Variants in ASPH observed in about 807,000 individuals in gnomAD.
The protein encoded by ASPH is aspartyl/asparaginyl beta-hydroxylase.
A neutral mutation model predicts 118.4 loss-of-function variants in ASPH; 100 were observed. The observed-to-expected ratio is 0.84, with a 90% CI of 0.72 to 1.00. ASPH has a LOEUF of 1.00. Among genes scored for constraint, ASPH ranks in the 50% least tolerant of loss-of-function variants. ASPH has a pLI of 0.00. For synonymous variants in ASPH, 315 were observed against 325.6 expected, an observed-to-expected ratio of 0.97 and a Z score of 0.35; for missense variants, 920 against 919.5, an observed-to-expected ratio of 1.00 and a Z score of -0.01.
chr8:61,635,335 C>T (rs1395193492), intron 12 of ASPH, among the ~76,000 whole-genome samples: 4 of 152,120 alleles, frequency 2.6e-5, no homozygotes, highest in African/African-American at 9.7e-5. Context: ...TTTATCGTCT[C>T]TCCACTTGCT....
At chr8:61,579,557 C>T (rs55652503) in intron 15 of ASPH, 13 of 1,525,240 alleles carry the variant, frequency 8.5e-6, no homozygotes, top group East Asian at 2.2e-5. Flanking sequence ...TTGGCTCTGG[C>T]GCAGGCTCCA....
chr8:61,581,712 A>T (rs1392137241), intron 15 of ASPH, among the ~76,000 whole-genome samples: 1 of 152,206 alleles, frequency 6.6e-6, no homozygotes, highest in East Asian at 1.9e-4. Context: ...CAGTGGTGTG[A>T]ACTTTCAGGT....
chr8:61,579,817 T>G (rs781612999), intron 15 of ASPH: 104 of 694,452 alleles, frequency 1.5e-4, no homozygotes, highest in Non-Finnish European at 2.4e-4. Flanking sequence ...GTTTACTACC[T>G]GGGGACCCCC....
At chr8:61,552,902 A>C in intron 20 of ASPH, 129 bp downstream of exon 20, 1 of 718,484 alleles carries the variant, frequency 1.4e-6, no homozygotes, top group Non-Finnish European at 2.3e-6. Flanking sequence ...TAAGTAACTA[A>C]ATAGTTTATA....
intron 14 of ASPH, among the ~76,000 whole-genome samples, chr8:61,593,758 T>C (rs1841828620): frequency 6.6e-6 from 1 of 152,228 alleles, no homozygotes; most frequent in African/African-American, 2.4e-5. Context: ...TGCTAAGTGA[T>C]GTGTTTTCTA....
chr8:61,533,615 T>C (rs559035785), intron 21 of ASPH, among the ~76,000 whole-genome samples: 1 of 152,260 alleles, frequency 6.6e-6, no homozygotes, highest in African/African-American at 2.4e-5. Context: ...TCAAGCCAGT[T>C]TGTTTGTTTT....
chr8:61,591,646 C>T (rs1030353072), intron 14 of ASPH, among the ~76,000 whole-genome samples: 1 of 152,144 alleles, frequency 6.6e-6, no homozygotes, highest in Non-Finnish European at 1.5e-5. Context: ...AATGCCTTAG[C>T]CAATTCTGTG....
chr8:61,539,699 G>GGTGGGTGTGTGTGTGTGT (rs1554618409), intron 21 of ASPH, among the ~76,000 whole-genome samples: 3 of 124,214 alleles, frequency 2.4e-5, no homozygotes, highest in Admixed American at 8.5e-5. Flanking sequence ...ACACTTCTGG[G>GGTGGGTGTGTGTGTGTGT]GTGTGTGTGT....
intron 18 of ASPH, among the ~76,000 whole-genome samples, chr8:61,560,182 G>C (rs1763283242): frequency 6.6e-6 from 1 of 152,150 alleles, no homozygotes; most frequent in Non-Finnish European, 1.5e-5. Context: ...TGAGTGAATG[G>C]GTATACGTGA....
At chr8:61,644,749 T>C (rs1034999804) in intron 6 of ASPH, 117 bp from the exon 7 acceptor site, 4 of 706,374 alleles carry the variant, frequency 5.7e-6, no homozygotes, top group South Asian at 6.9e-5. Context: ...AATTAAAAAA[T>C]GGGACTATCA....
intron 3 of ASPH, among the ~76,000 whole-genome samples, chr8:61,667,539 G>T (rs1158708095): frequency 6.6e-6 from 1 of 152,010 alleles, no homozygotes; most frequent in East Asian, 1.9e-4. Flanking sequence ...GCCAATTTTT[G>T]TATTTTCAGT....
intron 13 of ASPH, among the ~76,000 whole-genome samples, chr8:61,631,091 G>T (rs560295020): frequency 6.6e-6 from 1 of 152,158 alleles, no homozygotes; most frequent in East Asian, 1.9e-4. Context: ...ATTTTTGTAT[G>T]GCTATATGAT....
intron 21 of ASPH, among the ~76,000 whole-genome samples, chr8:61,538,381 T>C (rs1820444712): frequency 6.6e-6 from 1 of 152,224 alleles, no homozygotes; most frequent in Admixed American, 6.5e-5. Context: ...TATGTTAATC[T>C]TAAGAAATTG....
chr8:61,675,016 T>A (rs545271952), intron 3 of ASPH, among the ~76,000 whole-genome samples: 1 of 152,254 alleles, frequency 6.6e-6, no homozygotes, highest in South Asian at 2.1e-4. Flanking sequence ...ACTGATGAAA[T>A]CTCATTTTAA....
chr8:61,702,451 A>AT, intron 1 of ASPH, among the ~76,000 whole-genome samples: 1 of 151,588 alleles, frequency 6.6e-6, no homozygotes, highest in East Asian at 1.9e-4. Context: ...CACCCGGCTA[A>AT]TTTTTTTTGT....
intron 16 of ASPH, among the ~76,000 whole-genome samples, chr8:61,568,008 G>C (rs971181878): frequency 4.6e-5 from 7 of 152,164 alleles, no homozygotes; most frequent in African/African-American, 9.7e-5. Flanking sequence ...AAGGCTTGGA[G>C]GTAGGAGTGA....
At chr8:61,704,194 C>CAAAAAAAAAA (rs61553495) in intron 1 of ASPH, among the ~76,000 whole-genome samples, 2 of 40,426 alleles carry the variant, frequency 4.9e-5, no homozygotes, top group Non-Finnish European at 8.2e-5. Context: ...GACTCCGTCT[C>CAAAAAAAAAA]AAAAAAAAAA....
chr8:61,699,846 T>A (rs1834819864), intron 1 of ASPH, among the ~76,000 whole-genome samples: 1 of 152,180 alleles, frequency 6.6e-6, no homozygotes, highest in East Asian at 1.9e-4. Context: ...CATTCCCCAG[T>A]GGATGTCCAC....
chr8:61,602,482 A>G (rs1028734160), intron 14 of ASPH, among the ~76,000 whole-genome samples: 1 of 151,540 alleles, frequency 6.6e-6, no homozygotes, highest in Non-Finnish European at 1.5e-5. Context: ...AAAAATCTAA[A>G]GCTAACAATA....
Sources: allele counts gnomAD v4.1 joint callset (sites outside exome capture counted in the v4.1 genomes callset), GRCh38; gene constraint gnomAD v4.1.1; transcripts MANE v1.5; gene names NCBI Gene and HGNC (gene_info 2026-07-23, HGNC 2026-07-21).